Variants in MMP11 observed in about 807,000 individuals in gnomAD.
The protein encoded by MMP11 is stromelysin-3.
Under a neutral mutation model 49.5 loss-of-function variants are expected in MMP11, and 26 were observed. The ratio of observed to expected loss-of-function variants is 0.52; its 90% confidence interval spans 0.38 to 0.73. MMP11 has a LOEUF of 0.73. Among genes scored for constraint, MMP11 ranks in the 30% least tolerant of loss-of-function variants. MMP11 has a pLI of 0.00. For synonymous variants in MMP11, 265 were observed against 282.3 expected (o/e 0.94, Z 0.62); for missense variants, 624 against 671.2 (o/e 0.93, Z 0.78).
At chr22:23,782,152 G>A in intron 6 of MMP11, 74 bp from the exon 7 acceptor site, 1 of 1,564,654 alleles carries the variant, frequency 6.4e-7, no homozygotes, top group Admixed American at 1.8e-5. Context: ...TGTGGTAGGG[G>A]TCAAGCAGGT....
intron 7 of MMP11, chr22:23,782,711 A>G (rs1927685376): frequency 3.3e-6 from 2 of 603,218 alleles, no homozygotes; most frequent in African/African-American, 3.7e-5. Context: ...CTGGTTTTTC[A>G]GCCACAGCCA....
chr22:23,782,086 G>T (rs1927655658), intron 6 of MMP11, 140 bp from the exon 7 acceptor site: 4 of 1,279,262 alleles, frequency 3.1e-6, no homozygotes, highest in Non-Finnish European at 3.3e-6. Context: ...GGGGTGCTGA[G>T]CAGGCATTAT....
chr22:23,782,581 T>G, intron 7 of MMP11, 98 bp downstream of exon 7: 1 of 1,418,984 alleles, frequency 7.0e-7, no homozygotes, highest in South Asian at 1.4e-5. Flanking sequence ...ACAGGAAGTC[T>G]GGCTCTTCAT....
chr22:23,777,059 G>A (rs1168245289), intron 1 of MMP11, among the ~76,000 whole-genome samples: 10 of 149,720 alleles, frequency 6.7e-5, no homozygotes, highest in Admixed American at 6.6e-5. Flanking sequence ...CGCCTGCCTC[G>A]GCCTCCCAAA....
intron 6 of MMP11, 162 bp downstream of exon 6, chr22:23,781,571 C>T (rs1415675328): frequency 1.4e-6 from 1 of 709,720 alleles, no homozygotes; most frequent in East Asian, 2.7e-5. Flanking sequence ...GTTCCTCAGG[C>T]ACAGGTAGGA....
At position 23,780,941 on chromosome 22, in the gene MMP11, G is replaced by A. The variant is rs1250737328; in HGVS notation, c.699G>A (p.Met233Ile). The A allele has an allele frequency of 6.2e-7, 1 of 1,613,902 alleles. No individual in the cohort carries two copies. Residue 233 changes from methionine to isoleucine, a missense_variant, in exon 5 of 8, where the codon ATG (methionine) becomes ATA (isoleucine). Met to Ile is a conservative substitution (Grantham distance 10). Coordinates refer to ENST00000215743, the MANE Select transcript of MMP11 (RefSeq NM_005940.5). This position sits in a 1 kb window ranked among gnomAD's most constrained non-coding sequence, Gnocchi z 4.6. Reference protein sequence around the residue: ...LQHTTAAKALMSAFYTFRYPL... With the variant: ...LQHTTAAKALISAFYTFRYPL... ...ACACAACAGCAGCCAAGGCCCTGAT[G>A]TCCGCCTTCTACACCTTTCGCTACC... is the stretch of plus-strand genomic sequence containing the variant.
Position 23,780,570 on chromosome 22 carries a change from A to G in MMP11, c.483-12A>G, listed in dbSNP as rs769336543. 1 of 1,609,136 alleles carries G rather than the reference A, an allele frequency of 6.2e-7. No homozygotes were observed. The highest frequency in any genetic ancestry group is 2.2e-5 in the East Asian group (1 of 44,786). ...GCCAGCAGCCACTGACCCCGCCCCC[A>G]CCCATCTGTAGGTACTGGCATGGGG... On this transcript the variant is annotated splice_polypyrimidine_tract_variant and intron_variant, in intron 3 of 7. Coordinates refer to ENST00000215743, the MANE Select transcript of MMP11 (RefSeq NM_005940.5). The surrounding 1 kb of genome is among the most constrained non-coding windows in gnomAD (Gnocchi z 4.6).
Position 23,780,406 on chromosome 22 carries a change from C to T in MMP11, c.386C>T (p.Thr129Met), listed in dbSNP as rs763638562. The T allele has an allele frequency of 1.9e-5, 30 of 1,613,618 alleles. No homozygotes were observed. The highest frequency in any genetic ancestry group is 2.7e-5 in the African/African-American group (2 of 74,916). ...TTGGTGCAGGAGCAGGTGCGGCAGACGATGGCAGAGGCCCTAAAGGTATGG... is the reference window on the plus strand; with the variant it reads ...TTGGTGCAGGAGCAGGTGCGGCAGATGATGGCAGAGGCCCTAAAGGTATGG... ...WQLVQEQVRQ[T>M]MAEALKVWSD... Residue 129 changes from threonine to methionine, a missense_variant, in exon 3 of 8, where the codon ACG (threonine) becomes ATG (methionine). Physicochemically the swap from Thr to Met is moderately conservative, Grantham distance 81. Transcript: ENST00000215743. This position sits in a 1 kb window ranked among gnomAD's most constrained non-coding sequence, Gnocchi z 4.6.
chr22:23,773,972 A>G (rs1165247517), intron 1 of MMP11, among the ~76,000 whole-genome samples: 1 of 152,158 alleles, frequency 6.6e-6, no homozygotes, highest in Admixed American at 6.5e-5. Flanking sequence ...ATGGGAGCAG[A>G]AAGGGATGGG....
rs1927576030 is a variant in MMP11, at chr22:23,780,477, G to T, written c.457G>T (p.Ala153Ser). 1 of 1,614,048 alleles carries T rather than the reference G, an allele frequency of 6.2e-7. No individual in the cohort carries two copies. The highest frequency in any genetic ancestry group is 8.5e-7 in the Non-Finnish European group (1 of 1,180,034). The change falls in exon 3 of 8, where the codon GCT (alanine) becomes TCT (serine). Residue 153 changes from alanine to serine, a missense_variant. Ala to Ser is a moderately conservative substitution (Grantham distance 99). Transcript: ENST00000215743. This position sits in a 1 kb window ranked among gnomAD's most constrained non-coding sequence, Gnocchi z 4.6. ...CTTTACTGAGGTGCACGAGGGCCGT[G>T]CTGACATCATGATCGACTTCGCCAG... Reference protein sequence around the residue: ...LTFTEVHEGRADIMIDFARYW... With the variant: ...LTFTEVHEGRSDIMIDFARYW...
At position 23,781,201 on chromosome 22, in the gene MMP11, C is replaced by G. The variant is rs752550285; in HGVS notation, c.867C>G (p.Ala289=). The G allele has an allele frequency of 6.2e-7, 1 of 1,611,542 alleles. No homozygotes were observed. Among genetic ancestry groups the G allele is most frequent in the South Asian group, 1.1e-5 (1 of 91,088 alleles). ...CCTCTCTCCCACCCCAGCCAGACGC[C>G]CCGCCAGATGCCTGTGAGGCCTCCT... ...TNEIAPLEPD[A]PPDACEASFD... Residue 289 remains alanine (A), a synonymous_variant, in exon 6 of 8, where the codon GCC becomes GCG. Transcript: ENST00000215743.
intron 1 of MMP11, among the ~76,000 whole-genome samples, chr22:23,774,908 C>T (rs1394558968): frequency 1.3e-5 from 2 of 152,142 alleles, no homozygotes; most frequent in Non-Finnish European, 2.9e-5. Context: ...GACCCCAGGG[C>T]GGGGTTGACT....
chr22:23,779,816 C>A (rs894976136), intron 2 of MMP11: 2 of 284,436 alleles, frequency 7.0e-6, no homozygotes, highest in Non-Finnish European at 1.3e-5. Context: ...CATTGTCCAA[C>A]TCTACCATCA....
At chr22:23,777,320 C>A (rs960393783) in intron 1 of MMP11, among the ~76,000 whole-genome samples, 46 of 150,456 alleles carry the variant, frequency 3.1e-4, no homozygotes, top group Non-Finnish European at 5.9e-4. Context: ...GTAATCCCAG[C>A]ACTTTGGGAG....
At chr22:23,777,043 A>G (rs1230271368) in intron 1 of MMP11, among the ~76,000 whole-genome samples, 2 of 149,596 alleles carry the variant, frequency 1.3e-5, no homozygotes, top group Non-Finnish European at 3.0e-5. Context: ...TCCTGACCTC[A>G]TGATCCGCCT....
chr22:23,773,318 C>A (rs1431688493), intron 1 of MMP11, among the ~76,000 whole-genome samples: 2 of 152,158 alleles, frequency 1.3e-5, no homozygotes, highest in Non-Finnish European at 2.9e-5. Context: ...ACAGGGCCCC[C>A]TATTCATCGC....
chr22:23,780,174 C>A lies in MMP11; in HGVS notation c.339-185C>A, dbSNP rs56238951. 7,123 of 683,578 alleles carry A rather than the reference C, an allele frequency of 0.01. 64 individuals are homozygous for A. The highest frequency in any genetic ancestry group is 0.018 in the Middle Eastern group (44 of 2,414). 42.3% of individuals were successfully genotyped at this position (683,578 alleles called of 1,614,324 possible). ...ACACTTGTATTTGCCTAAGTATGAG[C>A]AAACCACATACACATGTGCCCATGT... On this transcript the variant is annotated intron_variant, in intron 2 of 7. Coordinates refer to ENST00000215743, the MANE Select transcript of MMP11 (RefSeq NM_005940.5). The surrounding 1 kb of genome is among the most constrained non-coding windows in gnomAD (Gnocchi z 4.6).
Position 23,780,935 on chromosome 22 carries a change from C to G in MMP11, c.693C>G (p.Ala231=). ...LGLQHTTAAK[A]LMSAFYTFRY... is the part of the protein sequence containing the mutation. Reference sequence around the variant, plus strand: ...TGCAGCACACAACAGCAGCCAAGGCCCTGATGTCCGCCTTCTACACCTTTC... The same window carrying G: ...TGCAGCACACAACAGCAGCCAAGGCGCTGATGTCCGCCTTCTACACCTTTC... The change falls in exon 5 of 8, where the codon GCC becomes GCG. Residue 231 remains alanine (A), a synonymous_variant. Coordinates refer to ENST00000215743, the MANE Select transcript of MMP11 (RefSeq NM_005940.5). This position sits in a 1 kb window ranked among gnomAD's most constrained non-coding sequence, Gnocchi z 4.6. 1.2e-6 allele frequency: 2 copies of G among 1,613,912 alleles called. No homozygotes were observed. The highest frequency in any genetic ancestry group is 1.7e-6 in the Non-Finnish European group (2 of 1,180,022).
At chr22:23,782,984 C>A (rs1260492050) in intron 7 of MMP11, among the ~76,000 whole-genome samples, 1 of 152,182 alleles carries the variant, frequency 6.6e-6, no homozygotes, top group African/African-American at 2.4e-5. Flanking sequence ...GGCTCCTCTT[C>A]TGTGCTCTTT....
Sources: allele counts gnomAD v4.1 joint callset (sites outside exome capture counted in the v4.1 genomes callset), GRCh38; gene constraint gnomAD v4.1.1; non-coding constraint Gnocchi (gnomAD v3.1); transcripts MANE v1.5; gene names NCBI Gene and HGNC (gene_info 2026-07-23, HGNC 2026-07-21).